Variants in CAST observed in about 807,000 individuals in gnomAD.
CAST encodes the protein MIR583 host.
A neutral mutation model predicts 119.6 loss-of-function variants in CAST; 76 were observed. That is an observed-to-expected ratio of 0.64 (90% CI 0.53 to 0.77). The LOEUF is 0.77. Among genes scored for constraint, CAST ranks in the 30% least tolerant of loss-of-function variants. CAST has a pLI of 0.00. For synonymous variants in CAST, 319 were observed against 331.6 expected, an observed-to-expected ratio of 0.96 and a Z score of 0.41; for missense variants, 953 against 946.5, an observed-to-expected ratio of 1.01 and a Z score of -0.09.
At chr5:96,354,083 T>G in the CAST span, among the ~76,000 whole-genome samples, 1 of 152,278 alleles carries the variant, frequency 6.6e-6, no homozygotes, top group South Asian at 2.1e-4. Flanking sequence ...ATTGGTAAAC[T>G]TGGGCAGCTT....
At chr5:95,978,496 G>GT in the CAST span, among the ~76,000 whole-genome samples, 27 of 150,874 alleles carry the variant, frequency 1.8e-4, 1 homozygote, top group South Asian at 2.7e-3. Flanking sequence ...TTATGTGGTT[G>GT]TTTTTTTTTC....
chr5:96,429,195 C>T, the CAST span: 1 of 1,235,450 alleles, frequency 8.1e-7, no homozygotes, highest in Middle Eastern at 1.9e-4. Flanking sequence ...GGTTTGAAGA[C>T]AAATGTACAA....
At chr5:96,330,740 T>C in the CAST span, among the ~76,000 whole-genome samples, 14 of 152,182 alleles carry the variant, frequency 9.2e-5, no homozygotes, top group Non-Finnish European at 1.8e-4. Flanking sequence ...TTTGTGAACA[T>C]CCAAGAATTC....
chr5:96,422,538 C>T, the CAST span, among the ~76,000 whole-genome samples: 1 of 152,186 alleles, frequency 6.6e-6, no homozygotes, highest in Non-Finnish European at 1.5e-5. Flanking sequence ...AAACGCCTCC[C>T]GCATACCCTT....
chr5:96,324,841 A>T, the CAST span, among the ~76,000 whole-genome samples: 1 of 152,148 alleles, frequency 6.6e-6, no homozygotes, highest in Non-Finnish European at 1.5e-5. Flanking sequence ...TGAAGTGACA[A>T]GAGTAAACAG....
chr5:95,983,165 A>T, the CAST span, among the ~76,000 whole-genome samples: 1 of 152,242 alleles, frequency 6.6e-6, no homozygotes, highest in South Asian at 2.1e-4. Context: ...CAATAAAATT[A>T]ATAAGAACAA....
intron 4 of CAST, among the ~76,000 whole-genome samples, chr5:96,726,149 ATC>A (rs1759205909): frequency 6.6e-6 from 1 of 152,220 alleles, no homozygotes; most frequent in South Asian, 2.1e-4. Context: ...CTAGTTTGTA[ATC>A]TCTGACTGAA....
At chr5:96,636,648 A>T (rs1747890080) in intron 1 of CAST, among the ~76,000 whole-genome samples, 1 of 152,228 alleles carries the variant, frequency 6.6e-6, no homozygotes, top group African/African-American at 2.4e-5. Context: ...AAAACAAAAA[A>T]GTAAAATAAA....
chr5:96,387,209 T>C, the CAST span, among the ~76,000 whole-genome samples: 1 of 152,230 alleles, frequency 6.6e-6, no homozygotes, highest in Non-Finnish European at 1.5e-5. Flanking sequence ...AAGTTGTTAA[T>C]ATATTTTCAG....
chr5:96,179,763 G>A, the CAST span, among the ~76,000 whole-genome samples: 5 of 152,272 alleles, frequency 3.3e-5, no homozygotes, highest in African/African-American at 1.2e-4. Context: ...TAGGCCGGGC[G>A]CGGTGGCTCA....
rs576175507 is a variant in CAST at position 96,714,773 on chromosome 5, G to T, written c.211-7866G>T. On this transcript the variant is annotated intron_variant, in intron 3 of 31. Transcript: ENST00000675179. ...CTTTGATGACTGACCTAGGCTGTGT[G>T]GCTAGCTCTTCTCCTTACTTACAAA... 11 of 152,288 alleles carry T rather than the reference G, an allele frequency of 7.2e-5. No homozygotes were observed. In the East Asian group the frequency reaches 2.1e-3, roughly 29 times the overall value. 9.4% of individuals were successfully genotyped at this position (152,288 alleles called of 1,614,324 possible). A position where few individuals can be genotyped will look rare whatever the true frequency, so the allele number is the denominator to read the frequency against.
chr5:96,589,577 G>A (rs1019524791), intron 1 of CAST, among the ~76,000 whole-genome samples: 9 of 151,860 alleles, frequency 5.9e-5, no homozygotes, highest in East Asian at 1.9e-4. Context: ...ATCACCTATC[G>A]TCTCTGAATC....
intron 14 of CAST, 57 bp from the exon 15 acceptor site, chr5:96,741,437 T>C: frequency 6.7e-7 from 1 of 1,481,554 alleles, no homozygotes; most frequent in Non-Finnish European, 9.4e-7. Context: ...TAGTTCAGGC[T>C]ATTACAGTTA....
At chr5:96,490,399 G>T in the CAST span, among the ~76,000 whole-genome samples, 1 of 151,456 alleles carries the variant, frequency 6.6e-6, no homozygotes, top group South Asian at 2.1e-4. Flanking sequence ...CAGACAAATT[G>T]ATATAGTAAT....
intron 2 of CAST, among the ~76,000 whole-genome samples, chr5:96,686,169 CTT>C (rs11357771): frequency 1.3e-5 from 2 of 149,408 alleles, no homozygotes; most frequent in African/African-American, 4.9e-5. Context: ...TTGATTATTC[CTT>C]TTTTTTTTCA....
chr5:96,595,870 GAAGTCA>G (rs1747044193), intron 1 of CAST, among the ~76,000 whole-genome samples: 1 of 152,134 alleles, frequency 6.6e-6, no homozygotes, highest in Non-Finnish European at 1.5e-5. Context: ...AGTACTATGA[GAAGTCA>G]AAGTGAGTTG....
At chr5:96,424,761 G>A in the CAST span, among the ~76,000 whole-genome samples, 1 of 151,982 alleles carries the variant, frequency 6.6e-6, no homozygotes, top group Non-Finnish European at 1.5e-5. Context: ...TCAGGAGTTC[G>A]AGACCAGACT....
At chr5:96,578,954 G>T (rs949438190) in intron 1 of CAST, among the ~76,000 whole-genome samples, 2 of 152,084 alleles carry the variant, frequency 1.3e-5, no homozygotes, top group Admixed American at 6.5e-5. Flanking sequence ...GGTTTGCTTG[G>T]CTTACCTGTT....
intron 1 of CAST, among the ~76,000 whole-genome samples, chr5:96,556,570 C>G (rs143417589): frequency 1.6e-3 from 250 of 152,276 alleles, no homozygotes; most frequent in African/African-American, 5.9e-3. Flanking sequence ...ATGCACAAGC[C>G]TCGGTAGCCT....
Sources: gnomAD v4.1 joint callset for allele counts (sites outside exome capture counted in the v4.1 genomes callset) on GRCh38, gnomAD v4.1.1 for gene constraint, MANE v1.5 for transcripts, NCBI Gene and HGNC (gene_info 2026-07-23, HGNC 2026-07-21) for gene names.